Variants in NOS1AP observed in about 807,000 individuals in gnomAD.
NOS1AP encodes the protein carboxyl-terminal PDZ ligand of neuronal nitric oxide synthase protein.
A neutral mutation model predicts 56.2 loss-of-function variants in NOS1AP; 21 were observed. The observed-to-expected ratio is 0.37, with a 90% CI of 0.26 to 0.54. The LOEUF is 0.54. Ranked by LOEUF, NOS1AP falls within the 20% of genes least tolerant of loss-of-function variation. The probability of loss-of-function intolerance (pLI) is 0.84; values close to 1 mark genes in which losing one functional copy is unlikely to be tolerated. For synonymous variants in NOS1AP, 270 were observed against 274.6 expected, an observed-to-expected ratio of 0.98 and a Z score of 0.17; for missense variants, 522 against 657.8, an observed-to-expected ratio of 0.79 and a Z score of 2.26.
intron 1 of NOS1AP, among the ~76,000 whole-genome samples, chr1:162,124,053 A>T (rs928291908): frequency 1.6e-4 from 24 of 152,224 alleles, no homozygotes; most frequent in African/African-American, 5.8e-4. Context: ...GGCTAGTGTA[A>T]TACATCTAGT....
At chr1:162,134,825 C>T (rs1648919964) in intron 1 of NOS1AP, among the ~76,000 whole-genome samples, 1 of 152,108 alleles carries the variant, frequency 6.6e-6, no homozygotes. Context: ...GGCTCAAAAC[C>T]CTTAGGTGGC....
intron 2 of NOS1AP, among the ~76,000 whole-genome samples, chr1:162,194,682 T>G (rs897137148): frequency 6.6e-6 from 1 of 152,194 alleles, no homozygotes; most frequent in Admixed American, 6.6e-5. Flanking sequence ...AGTGTTCTCT[T>G]TACCTTTGGT....
intron 2 of NOS1AP, among the ~76,000 whole-genome samples, chr1:162,278,652 T>G (rs1654820032): frequency 6.7e-6 from 1 of 148,508 alleles, no homozygotes. Context: ...TAGGAAACGT[T>G]TACTCCTTCT....
chr1:162,217,267 C>CTTTTGTTAGCTTTTTTTTTTTTTT (rs1652604709), intron 2 of NOS1AP, among the ~76,000 whole-genome samples: 1 of 68,368 alleles, frequency 1.5e-5, no homozygotes, highest in South Asian at 5.7e-4. Context: ...CTGTTGTTAG[C>CTTTTGTTAGCTTTTTTTTTTTTTT]TTTTTTTTTT....
At chr1:162,322,538 G>C (rs1053706946) in intron 4 of NOS1AP, among the ~76,000 whole-genome samples, 28 of 152,138 alleles carry the variant, frequency 1.8e-4, no homozygotes, top group Admixed American at 1.3e-4. Context: ...GGAATCCTCA[G>C]ACGCTCAAGT....
At chr1:162,126,970 T>C (rs1358041693) in intron 1 of NOS1AP, among the ~76,000 whole-genome samples, 2 of 152,224 alleles carry the variant, frequency 1.3e-5, no homozygotes, top group East Asian at 1.9e-4. Flanking sequence ...GGATTTTTAC[T>C]TATCTGATAG....
At chr1:162,226,647 G>A (rs1432690249) in intron 2 of NOS1AP, among the ~76,000 whole-genome samples, 1 of 152,174 alleles carries the variant, frequency 6.6e-6, no homozygotes, top group Non-Finnish European at 1.5e-5. Context: ...TTCTATTGAA[G>A]CCTTTACTAA....
intron 8 of NOS1AP, chr1:162,364,408 CAT>C: frequency 1.0e-6 from 1 of 985,458 alleles, no homozygotes; most frequent in Non-Finnish European, 1.2e-6. Flanking sequence ...ACAAGAATCA[CAT>C]ATGTGTGAAC....
intron 2 of NOS1AP, among the ~76,000 whole-genome samples, chr1:162,219,436 A>G (rs750237717): frequency 3.7e-4 from 57 of 152,106 alleles, no homozygotes; most frequent in Non-Finnish European, 5.6e-4. Context: ...TTAAACAGCT[A>G]TCATGTATTA....
chr1:162,180,648 G>A (rs1340063334), intron 2 of NOS1AP, among the ~76,000 whole-genome samples: 2 of 152,186 alleles, frequency 1.3e-5, no homozygotes, highest in Non-Finnish European at 2.9e-5. Context: ...TTGGAGCGGA[G>A]CATGGCCCTC....
At position 162,369,663 on chromosome 1, in the gene NOS1AP, G is replaced by A. The variant is rs1054941856; in HGVS notation, c.*2196G>A. 2 of 152,260 alleles carry A rather than the reference G, an allele frequency of 1.3e-5. No individual in the cohort carries two copies. The highest frequency in any genetic ancestry group is 4.8e-5 in the African/African-American group (2 of 41,466). 9.4% of individuals were successfully genotyped at this position (152,260 alleles called of 1,614,324 possible). On this transcript the variant is annotated 3_prime_UTR_variant, in exon 10 of 10. Coordinates refer to ENST00000361897, the MANE Select transcript of NOS1AP (RefSeq NM_014697.3). ...AAAGAATTGGAGAAACTAGTTATCT[G>A]TGTTGCTGACTTTGGGACCCATCCA...
intron 4 of NOS1AP, among the ~76,000 whole-genome samples, chr1:162,324,416 CTTTTTT>C (rs35946766): frequency 4.2e-5 from 3 of 72,146 alleles, no homozygotes; most frequent in Admixed American, 1.6e-4. Context: ...GGACACTAGC[CTTTTTT>C]TTTTTTTTTT....
At chr1:162,255,782 A>G (rs1477103059) in intron 2 of NOS1AP, among the ~76,000 whole-genome samples, 1 of 152,146 alleles carries the variant, frequency 6.6e-6, no homozygotes, top group Non-Finnish European at 1.5e-5. Flanking sequence ...GAAAAAAACT[A>G]TGCCAGTGAT....
intron 1 of NOS1AP, among the ~76,000 whole-genome samples, chr1:162,102,090 T>C (rs558481837): frequency 1.9e-3 from 289 of 152,304 alleles, no homozygotes; most frequent in Non-Finnish European, 3.3e-3. Context: ...TTGTCATGCA[T>C]GGCTCTTATT....
chr1:162,200,290 C>G (rs1253999804), intron 2 of NOS1AP, among the ~76,000 whole-genome samples: 1 of 152,178 alleles, frequency 6.6e-6, no homozygotes, highest in Non-Finnish European at 1.5e-5. Context: ...TTCATCCCAT[C>G]AGTCCCAGAA....
chr1:162,330,394 T>C (rs144741998), intron 4 of NOS1AP, among the ~76,000 whole-genome samples: 2 of 152,310 alleles, frequency 1.3e-5, no homozygotes, highest in East Asian at 3.9e-4. Flanking sequence ...GTGTGAGATA[T>C]GTGCTGTGGC....
chr1:162,125,130 C>CTTTTTTTTTTTTTTTTTTTTTTTT (rs56264198), intron 1 of NOS1AP, among the ~76,000 whole-genome samples: 11 of 124,138 alleles, frequency 8.9e-5, no homozygotes, highest in African/African-American at 3.2e-4. Context: ...GTTTCTGACT[C>CTTTTTTTTTTTTTTTTTTTTTTTT]TTTTTTTTTT....
Position 162,367,262 on chromosome 1 carries a change from C to T in NOS1AP, c.1316C>T (p.Thr439Ile), listed in dbSNP as rs936077592. The T allele has an allele frequency of 6.2e-7, 1 of 1,613,568 alleles. No homozygotes were observed. The change falls in exon 10 of 10, where the codon ACC becomes ATC. Residue 439 changes from threonine (T) to isoleucine (I), a missense_variant. Transcript: ENST00000361897. This position sits in a 1 kb window ranked among gnomAD's most constrained non-coding sequence, Gnocchi z 6.5. Reference protein sequence around the residue: ...ECFRFLPPEDTPPPAQGEALL... With the variant: ...ECFRFLPPEDIPPPAQGEALL... ...TTTCGCTTTCTTCCGCCCGAGGACA[C>T]CCCGCCCCCAGCGCAGGGCGAGGCG...
At chr1:162,335,689 G>A (rs557714370) in intron 5 of NOS1AP, among the ~76,000 whole-genome samples, 3 of 152,244 alleles carry the variant, frequency 2.0e-5, no homozygotes, top group South Asian at 4.1e-4. Context: ...CGGAGCCCTC[G>A]TGTTGGTCAT....
Sources: gnomAD v4.1 joint callset for allele counts (sites outside exome capture counted in the v4.1 genomes callset) on GRCh38, gnomAD v4.1.1 for gene constraint, Gnocchi (gnomAD v3.1) non-coding constraint, MANE v1.5 for transcripts, NCBI Gene and HGNC (gene_info 2026-07-23, HGNC 2026-07-21) for gene names.